Variants in COL28A1 observed in about 807,000 individuals in gnomAD.
COL28A1 encodes the protein collagen type XXVIII alpha 1 chain, also known as collagen alpha-1(XXVIII) chain.
A neutral mutation model predicts 150.2 loss-of-function variants in COL28A1; 161 were observed. The ratio of observed to expected loss-of-function variants is 1.07; its 90% CI spans 0.94 to 1.22. COL28A1 has a LOEUF of 1.22. Among genes scored for constraint, COL28A1 ranks in the 50% most tolerant of loss-of-function variants. The pLI is 0.00. For synonymous variants in COL28A1, 552 were observed against 469.7 expected (o/e 1.18, Z -2.26); for missense variants, 1,617 against 1,388.3 (o/e 1.16, Z -2.62).
At chr7:7,510,405 C>G (rs984594742) in intron 9 of COL28A1, among the ~76,000 whole-genome samples, 10 of 152,146 alleles carry the variant, frequency 6.6e-5, no homozygotes, top group Non-Finnish European at 1.5e-4. Flanking sequence ...CTGTCTCAGC[C>G]TCCTGAGTAG....
chr7:7,541,512 A>T, the COL28A1 span, among the ~76,000 whole-genome samples: 1 of 152,234 alleles, frequency 6.6e-6, no homozygotes, highest in South Asian at 2.1e-4. Flanking sequence ...CAAATTCAGA[A>T]ATGCCAAATA....
chr7:7,391,933 T>C (rs1280773241), intron 27 of COL28A1, among the ~76,000 whole-genome samples: 3 of 152,192 alleles, frequency 2.0e-5, no homozygotes, highest in African/African-American at 7.2e-5. Flanking sequence ...CTTGACTTGT[T>C]ATTTAATTTG....
Position 7,453,462 on chromosome 7 carries a change from C to T in COL28A1, c.1418G>A (p.Gly473Glu). The T allele has an allele frequency of 7.7e-7, 1 of 1,295,898 alleles. No individual in the cohort carries two copies. The highest frequency in any genetic ancestry group is 1.1e-6 in the Non-Finnish European group (1 of 890,720). 80.3% of individuals were successfully genotyped at this position (1,295,898 alleles called of 1,614,324 possible). ...IGPPGPQGPA[G>E]QGLPGSKGEV... ...TACCTTGGAACCAGGTAAGCCCTGTCCTGCGGGCCCTTGTGGACCAGGTGG... is the reference window on the plus strand; with the variant it reads ...TACCTTGGAACCAGGTAAGCCCTGTTCTGCGGGCCCTTGTGGACCAGGTGG... The change falls in exon 17 of 35, where the codon GGA (glycine) becomes GAA (glutamate). Residue 473 changes from glycine (G) to glutamate (E), a missense_variant. Coordinates refer to ENST00000399429, the MANE Select transcript of COL28A1 (RefSeq NM_001037763.3).
chr7:7,405,751 T>A (rs953104648), intron 27 of COL28A1, among the ~76,000 whole-genome samples: 54 of 152,250 alleles, frequency 3.5e-4, no homozygotes, highest in Middle Eastern at 3.4e-3. Flanking sequence ...TATTTCTAAT[T>A]TAATTATTAA....
At chr7:7,468,472 T>C (rs1034032645) in intron 15 of COL28A1, among the ~76,000 whole-genome samples, 1 of 114,244 alleles carries the variant, frequency 8.8e-6, no homozygotes, top group Non-Finnish European at 1.7e-5. Context: ...ATCAATAGTT[T>C]AGCAACCAAA....
rs1783890479 is a variant in COL28A1 at position 7,413,346 on chromosome 7, C to A, written c.2136+4513G>T. On this transcript the variant is annotated intron_variant, in intron 27 of 34. Coordinates refer to ENST00000399429, the MANE Select transcript of COL28A1 (RefSeq NM_001037763.3). ...GAGGCACCAATATACTTCAGAGCAA[C>A]AAATGACTTAAAATTTCCATCCTCC... 2.6e-5 allele frequency among the ~76,000 whole-genome samples: 4 copies of A among 152,192 alleles called. No homozygotes were observed. In the South Asian group the frequency reaches 6.2e-4, roughly 24 times the overall value.
chr7:7,529,689 G>T (rs1390908909), intron 3 of COL28A1, among the ~76,000 whole-genome samples: 2 of 152,174 alleles, frequency 1.3e-5, no homozygotes, highest in Non-Finnish European at 2.9e-5. Flanking sequence ...ACAAGGAGCT[G>T]CCTGTCCCGC....
chr7:7,444,877 C>T (rs1387780293), intron 18 of COL28A1, among the ~76,000 whole-genome samples: 2 of 152,000 alleles, frequency 1.3e-5, no homozygotes, highest in Non-Finnish European at 2.9e-5. Context: ...TTGTAATTCC[C>T]AGTGTTGGAG....
At chr7:7,434,435 T>C (rs973059861) in intron 23 of COL28A1, among the ~76,000 whole-genome samples, 2 of 152,192 alleles carry the variant, frequency 1.3e-5, no homozygotes, top group African/African-American at 2.4e-5. Flanking sequence ...CTTATCTCCA[T>C]GTTTACACAA....
chr7:7,528,113 T>C (rs1050755465), intron 3 of COL28A1, among the ~76,000 whole-genome samples: 132 of 152,332 alleles, frequency 8.7e-4, no homozygotes, highest in African/African-American at 3.1e-3. Context: ...AGGGAATACC[T>C]TAAATTTATG....
chr7:7,480,013 G>C (rs1789258547), intron 13 of COL28A1, among the ~76,000 whole-genome samples: 1 of 152,128 alleles, frequency 6.6e-6, no homozygotes, highest in Non-Finnish European at 1.5e-5. Flanking sequence ...ACCTATGATG[G>C]AACAAAGTCT....
intron 30 of COL28A1, among the ~76,000 whole-genome samples, chr7:7,380,293 GAA>G (rs1326131605): frequency 6.6e-6 from 1 of 151,954 alleles, no homozygotes; most frequent in Non-Finnish European, 1.5e-5. Context: ...ACTAGTTCAG[GAA>G]AAAAGAGTCC....
intron 8 of COL28A1, among the ~76,000 whole-genome samples, chr7:7,514,255 T>C (rs1180381507): frequency 2.6e-5 from 4 of 152,248 alleles, no homozygotes; most frequent in Admixed American, 2.0e-4. Flanking sequence ...AGTTTTCCCA[T>C]ATTAATATTT....
At chr7:7,518,934 C>T (rs563014041) in intron 6 of COL28A1, among the ~76,000 whole-genome samples, 12 of 152,244 alleles carry the variant, frequency 7.9e-5, no homozygotes, top group African/African-American at 2.9e-4. Flanking sequence ...TGTTTCCTCT[C>T]TTGAAAATTG....
In COL28A1 at chr7:7,394,933, T is replaced by C. The variant is rs541984777; in HGVS notation, c.2137-13321A>G. On this transcript the variant is annotated intron_variant, in intron 27 of 34. Coordinates refer to ENST00000399429, the MANE Select transcript of COL28A1 (RefSeq NM_001037763.3). ...GTTCACTCTTAAGGAGAAAAAGGAA[T>C]GAGCTGTTCTTGGATTTCGGCACTT... Among the ~76,000 whole-genome samples the C allele has an allele frequency of 4.6e-5, 7 of 152,308 alleles. No individual in the cohort carries two copies. The East Asian group carries it at 1.4e-3, about 29-fold the overall frequency.
At chr7:7,450,995 A>C (rs931197389) in intron 18 of COL28A1, among the ~76,000 whole-genome samples, 14 of 152,176 alleles carry the variant, frequency 9.2e-5, no homozygotes, top group Non-Finnish European at 2.1e-4. Flanking sequence ...GGAAATTATA[A>C]AAACTTCAAA....
At chr7:7,490,958 T>A (rs899573861) in intron 11 of COL28A1, among the ~76,000 whole-genome samples, 1 of 152,180 alleles carries the variant, frequency 6.6e-6, no homozygotes, top group Non-Finnish European at 1.5e-5. Flanking sequence ...TGAATACAGC[T>A]TGCATTCATA....
intron 18 of COL28A1, among the ~76,000 whole-genome samples, chr7:7,444,881 G>T (rs1400624306): frequency 1.3e-5 from 2 of 152,166 alleles, no homozygotes; most frequent in African/African-American, 2.4e-5. Flanking sequence ...AATTCCCAGT[G>T]TTGGAGGAGG....
intron 20 of COL28A1, among the ~76,000 whole-genome samples, chr7:7,441,786 C>G (rs1408470529): frequency 6.6e-6 from 1 of 152,104 alleles, no homozygotes; most frequent in East Asian, 1.9e-4. Context: ...TTAGACTATA[C>G]TAAGGTCATC....
Sources: allele counts gnomAD v4.1 joint callset (sites outside exome capture counted in the v4.1 genomes callset), GRCh38; gene constraint gnomAD v4.1.1; transcripts MANE v1.5; gene names NCBI Gene and HGNC (gene_info 2026-07-23, HGNC 2026-07-21).